The following CEP250 variants were observed in gnomAD, a reference collection of about 807,000 sequenced individuals.
The protein encoded by CEP250 is centrosome-associated protein CEP250.
CEP250 carries 242 observed loss-of-function variants against 315.7 expected under a neutral mutation model. The ratio of observed to expected loss-of-function variants is 0.77; its 90% CI spans 0.69 to 0.85. CEP250 has a LOEUF of 0.85. Ranked by LOEUF, CEP250 falls within the 40% of genes least tolerant of loss-of-function variation. CEP250 has a pLI of 0.00. For synonymous variants in CEP250, 1,088 were observed against 1,175.0 expected (o/e 0.93, Z 1.51); for missense variants, 2,515 against 2,886.4 (o/e 0.87, Z 2.95).
intron 20 of CEP250, among the ~76,000 whole-genome samples, chr20:35,488,985 A>G (rs2063604329): frequency 6.6e-6 from 1 of 152,126 alleles, no homozygotes; most frequent in South Asian, 2.1e-4. Flanking sequence ...TAGGAGTTCA[A>G]AACCAGCCTG....
chr20:35,493,657 C>G, intron 23 of CEP250, 85 bp downstream of exon 23: 11 of 1,328,134 alleles, frequency 8.3e-6, no homozygotes, highest in Non-Finnish European at 1.1e-5. Flanking sequence ...ACAGGGAGAA[C>G]CTTGGCCCTG....
At chr20:35,473,610 T>C in intron 13 of CEP250, 58 bp downstream of exon 13, 1 of 1,496,730 alleles carries the variant, frequency 6.7e-7, no homozygotes, top group African/African-American at 1.4e-5. Flanking sequence ...TCAGTCACCA[T>C]CCAGCCATTT....
chr20:35,502,483 A>G lies in CEP250; in HGVS notation c.4114A>G (p.Ser1372Gly), dbSNP rs1224578426. Reference protein sequence around the residue: ...AAVVEARAQASAAGILEEDLR... With the variant: ...AAVVEARAQAGAAGILEEDLR... ...TGTCGTAGAAGCCAGGGCTCAGGCA[A>G]GTGCTGCTGGCATCCTGGAAGAAGA... Residue 1372 changes from serine (S) to glycine (G), a missense_variant, in exon 30 of 35, where the codon AGT becomes GGT. Ser to Gly is a moderately conservative substitution (Grantham distance 56). Coordinates refer to ENST00000397527, the MANE Select transcript of CEP250 (RefSeq NM_007186.6). 7.4e-6 allele frequency: 12 copies of G among 1,614,098 alleles called. No individual in the cohort carries two copies. Among genetic ancestry groups the G allele is most frequent in the Non-Finnish European group, 1.0e-5 (12 of 1,180,036 alleles).
intron 28 of CEP250, 119 bp downstream of exon 28, chr20:35,500,288 C>A: frequency 8.0e-7 from 1 of 1,244,494 alleles, no homozygotes; most frequent in Non-Finnish European, 1.1e-6. Context: ...TTTGAGACGA[C>A]ATCTCACTCT....
chr20:35,467,212 C>T, intron 8 of CEP250, 92 bp from the exon 9 acceptor site: 1 of 1,499,932 alleles, frequency 6.7e-7, no homozygotes, highest in Non-Finnish European at 9.2e-7. Context: ...ATGATTTTTC[C>T]CAGCCCTGCT....
intron 3 of CEP250, among the ~76,000 whole-genome samples, chr20:35,461,728 G>A (rs1381698194): frequency 1.3e-5 from 2 of 152,178 alleles, no homozygotes; most frequent in Admixed American, 6.6e-5. Context: ...GTTTGGTGAA[G>A]TGTAATGAGA....
chr20:35,504,087 C>CCAG lies in CEP250; in HGVS notation c.5725_5727dup (p.Gln1909dup), dbSNP rs2064107176. 5 of 1,608,726 alleles carry CCAG rather than the reference C, an allele frequency of 3.1e-6. No homozygotes were observed. In the South Asian group the frequency reaches 5.5e-5, roughly 18 times the overall value. On this transcript the variant is annotated inframe_insertion, in exon 30 of 35. Coordinates refer to ENST00000397527, the MANE Select transcript of CEP250 (RefSeq NM_007186.6). ...AACAGGAGAAAGCTCTGTTGGCCCTCCAGCAGCAGTGTGCTGAGCAGGCAC... is the reference window on the plus strand; with the variant it reads ...AACAGGAGAAAGCTCTGTTGGCCCTCCAGCAGCAGCAGTGTGCTGAGCAGGCAC...
intron 24 of CEP250, among the ~76,000 whole-genome samples, chr20:35,496,107 G>A (rs1041807840): frequency 1.3e-5 from 2 of 152,104 alleles, no homozygotes; most frequent in Non-Finnish European, 2.9e-5. Flanking sequence ...GAGAGGAAAG[G>A]GATGGGGAAG....
At chr20:35,486,646 T>C (rs1264406225) in intron 20 of CEP250, among the ~76,000 whole-genome samples, 1 of 152,202 alleles carries the variant, frequency 6.6e-6, no homozygotes, top group Admixed American at 6.5e-5. Flanking sequence ...TTATCCAGCA[T>C]TTTTTGCGAT....
In CEP250 at chr20:35,466,157, C is replaced by G. The variant is rs373038487; in HGVS notation, c.445C>G (p.Arg149Gly). The change falls in exon 7 of 35, where the codon CGG (arginine) becomes GGG (glycine). Residue 149 changes from arginine (R) to glycine (G), a missense_variant. Arg to Gly is a moderately radical substitution (Grantham distance 125, BLOSUM62 -2). Transcript: ENST00000397527. ...EKLTVDWSRA[R>G]DELMRKESQW... ...ACTGACAGTGGACTGGAGCCGGGCCCGGGATGAGCTAATGAGGAAGGAGAG... is the reference window on the plus strand; with the variant it reads ...ACTGACAGTGGACTGGAGCCGGGCCGGGGATGAGCTAATGAGGAAGGAGAG... The G allele has an allele frequency of 3.7e-6, 6 of 1,610,872 alleles. No homozygotes were observed. Among genetic ancestry groups the G allele is most frequent in the Non-Finnish European group, 4.2e-6 (5 of 1,178,320 alleles).
intron 22 of CEP250, among the ~76,000 whole-genome samples, chr20:35,492,986 C>A (rs969559105): frequency 3.3e-5 from 5 of 151,938 alleles, no homozygotes; most frequent in Non-Finnish European, 7.4e-5. Context: ...CCTTGGTTTC[C>A]CTAAGTGTTG....
At chr20:35,469,755 G>A in intron 9 of CEP250, 135 bp from the exon 10 acceptor site, 1 of 539,324 alleles carries the variant, frequency 1.9e-6, no homozygotes, top group Non-Finnish European at 3.3e-6. Context: ...AGACGGGCTG[G>A]GGGTGCCTAA....
chr20:35,468,589 A>G (rs1299964064), intron 9 of CEP250, among the ~76,000 whole-genome samples: 4 of 152,328 alleles, frequency 2.6e-5, no homozygotes, highest in Non-Finnish European at 5.9e-5. Context: ...GGAGGCACTG[A>G]GAAGTACAAA....
chr20:35,496,149 T>C (rs1403865275), intron 24 of CEP250, among the ~76,000 whole-genome samples: 1 of 151,940 alleles, frequency 6.6e-6, no homozygotes, highest in Non-Finnish European at 1.5e-5. Flanking sequence ...GGTACTAATA[T>C]AAGGTATGTG....
chr20:35,511,218 C>A (rs1336178989), intron 34 of CEP250, 145 bp from the exon 35 acceptor site: 1 of 665,224 alleles, frequency 1.5e-6, no homozygotes, highest in Non-Finnish European at 2.5e-6. Context: ...AAACTCTCTA[C>A]AGCCTGTTTC....
chr20:35,493,396 T>G, intron 22 of CEP250, 33 bp from the exon 23 acceptor site: 2 of 1,498,264 alleles, frequency 1.3e-6, no homozygotes, highest in Non-Finnish European at 1.8e-6. Flanking sequence ...GACACAGATT[T>G]CCTCTACTCA....
In CEP250 at chr20:35,503,328, C is replaced by T. The variant is rs1198658920; in HGVS notation, c.4959C>T (p.Leu1653=). The T allele has an allele frequency of 3.7e-6, 6 of 1,613,916 alleles. No individual in the cohort carries two copies. The East Asian group carries it at 6.7e-5, about 18-fold the overall frequency. The change falls in exon 30 of 35, where the codon CTC becomes CTT. Residue 1653 remains leucine (L), a synonymous_variant. Transcript: ENST00000397527. The surrounding 1 kb of genome is among the most constrained non-coding windows in gnomAD (Gnocchi z 4.2). ...QRQKEHLTQD[L]ERRDQELMLQ... is the part of the protein sequence containing the mutation. Reference sequence around the variant, plus strand: ...AGAAAGAGCATCTGACTCAGGATCTCGAGAGGAGAGACCAGGAGCTGATGC... The same window carrying T: ...AGAAAGAGCATCTGACTCAGGATCTTGAGAGGAGAGACCAGGAGCTGATGC...
At position 35,512,153 on chromosome 20, in the gene CEP250, C is replaced by CTA. The variant is rs1053592588; in HGVS notation, c.*528_*529dup. ...GACAAAGCCCCTGTCCACAGACAGC[C>CTA]TACAGTCCAGTTGATGAGAACAGGC... On this transcript the variant is annotated 3_prime_UTR_variant, in exon 35 of 35. Transcript: ENST00000397527. The CTA allele has an allele frequency of 1.9e-6, 1 of 521,752 alleles. No homozygotes were observed. Among genetic ancestry groups the CTA allele is most frequent in the Non-Finnish European group, 2.5e-6 (1 of 405,050 alleles). 32.3% of individuals were successfully genotyped at this position (521,752 alleles called of 1,614,324 possible). A position where few individuals can be genotyped will look rare whatever the true frequency, so the allele number is the denominator to read the frequency against.
intron 3 of CEP250, among the ~76,000 whole-genome samples, chr20:35,461,032 G>A (rs1255996946): frequency 6.6e-6 from 1 of 152,212 alleles, no homozygotes; most frequent in Non-Finnish European, 1.5e-5. Context: ...GGGTTCATCT[G>A]GGAGGACATG....
Sources: gnomAD v4.1 joint callset for allele counts (sites outside exome capture counted in the v4.1 genomes callset) on GRCh38, gnomAD v4.1.1 for gene constraint, Gnocchi (gnomAD v3.1) non-coding constraint, MANE v1.5 for transcripts, NCBI Gene and HGNC (gene_info 2026-07-23, HGNC 2026-07-21) for gene names.